Variants in VANGL2 observed in about 807,000 individuals in gnomAD.
The protein encoded by VANGL2 is vang-like protein 2.
In VANGL2, 14 loss-of-function variants were observed where a neutral mutation model predicts 50.2. The ratio of observed to expected loss-of-function variants is 0.28; its 90% confidence interval spans 0.18 to 0.44. The LOEUF (loss-of-function observed/expected upper bound fraction) is 0.44, where lower values mean the gene tolerates loss of function less well. VANGL2 is among the 20% of genes least tolerant of loss of function. VANGL2 has a pLI of 1.00. For synonymous variants in VANGL2, 295 were observed against 297.2 expected, an observed-to-expected ratio of 0.99 and a Z score of 0.08; for missense variants, 533 against 701.5, an observed-to-expected ratio of 0.76 and a Z score of 2.71.
intron 6 of VANGL2, among the ~76,000 whole-genome samples, chr1:160,422,198 A>G (rs907389622): frequency 6.6e-6 from 1 of 152,206 alleles, no homozygotes; most frequent in Non-Finnish European, 1.5e-5. Flanking sequence ...CCTGTAGTAG[A>G]ACAAAGATCA....
intron 3 of VANGL2, among the ~76,000 whole-genome samples, chr1:160,417,525 C>T (rs958573973): frequency 3.3e-5 from 5 of 152,242 alleles, no homozygotes; most frequent in African/African-American, 1.2e-4. Context: ...TTAGATGGCC[C>T]AGCAGAGGTG....
intron 1 of VANGL2, among the ~76,000 whole-genome samples, chr1:160,411,210 G>C (rs534935531): frequency 6.6e-6 from 1 of 152,074 alleles, no homozygotes; most frequent in Non-Finnish European, 1.5e-5. Context: ...AGGGGACTGA[G>C]TGTGTGTGTT....
chr1:160,414,195 A>C (rs1650979394), intron 1 of VANGL2, among the ~76,000 whole-genome samples: 1 of 152,190 alleles, frequency 6.6e-6, no homozygotes, highest in Admixed American at 6.5e-5. Context: ...TGCATAGCTA[A>C]AATCCTTCAA....
At chr1:160,415,591 T>C (rs910881320) in intron 1 of VANGL2, 57 bp from the exon 2 acceptor site, 4 of 552,854 alleles carry the variant, frequency 7.2e-6, no homozygotes, top group Middle Eastern at 4.9e-4. Flanking sequence ...GGTCTTCCTC[T>C]GCCCTGACCC....
At chr1:160,404,144 G>A (rs1393664501) in intron 1 of VANGL2, among the ~76,000 whole-genome samples, 1 of 152,118 alleles carries the variant, frequency 6.6e-6, no homozygotes, top group African/African-American at 2.4e-5. Context: ...CTAGGCTTTG[G>A]TTCTGATCTT....
Position 160,415,926 on chromosome 1 carries a change from G to T in VANGL2, c.71+18G>T. On this transcript the variant is annotated intron_variant, in intron 2 of 7. Coordinates refer to ENST00000368061, the MANE Select transcript of VANGL2 (RefSeq NM_020335.3). ...AAGCACAGGTGGGCAGGCATGCAGG[G>T]TGACATGCGTGGCGGAGGGAGGGTT... 1 of 1,614,238 alleles carries T rather than the reference G, an allele frequency of 6.2e-7. No individual in the cohort carries two copies. The highest frequency in any genetic ancestry group is 8.5e-7 in the Non-Finnish European group (1 of 1,180,038).
chr1:160,409,478 G>A (rs1650801499), intron 1 of VANGL2, among the ~76,000 whole-genome samples: 1 of 152,150 alleles, frequency 6.6e-6, no homozygotes, highest in African/African-American at 2.4e-5. Context: ...GGGAAGGGGT[G>A]TCAGGGGAAT....
chr1:160,425,733 T>G lies in VANGL2; in HGVS notation c.*355T>G, dbSNP rs1467369371. ...GCACAGGGCCCTGCTGATTGTACTTTCCCCTCCTGAGCCCCGACTCACAAA... is the reference window on the plus strand; with the variant it reads ...GCACAGGGCCCTGCTGATTGTACTTGCCCCTCCTGAGCCCCGACTCACAAA... On this transcript the variant is annotated 3_prime_UTR_variant, in exon 8 of 8. Coordinates refer to ENST00000368061, the MANE Select transcript of VANGL2 (RefSeq NM_020335.3). 4.8e-6 allele frequency: 1 copy of G among 206,228 alleles called. No homozygotes were observed. The allele number at this position is 206,228 out of a possible 1,614,324, so 12.8% of individuals were successfully genotyped here.
rs1209105906 is a variant in VANGL2 at position 160,408,324 on chromosome 1, C to T, written c.-190-7324C>T. ...ATGGGTGGGTATTTTGGTGTGTTTG[C>T]GGATTTAGAGGTCCTCGGCCTCACC... On this transcript the variant is annotated intron_variant, in intron 1 of 7. Transcript: ENST00000368061. Among the ~76,000 whole-genome samples the T allele has an allele frequency of 2.6e-5, 4 of 151,928 alleles. No homozygotes were observed. In the South Asian group the frequency reaches 6.2e-4, roughly 24 times the overall value.
At chr1:160,407,623 C>A (rs1411592064) in intron 1 of VANGL2, among the ~76,000 whole-genome samples, 1 of 152,176 alleles carries the variant, frequency 6.6e-6, no homozygotes, top group Non-Finnish European at 1.5e-5. Context: ...CTTTTGGGGC[C>A]AGGGACAGTT....
chr1:160,416,040 C>T (rs1322255370), intron 2 of VANGL2, 22 bp from the exon 3 acceptor site: 19 of 1,614,184 alleles, frequency 1.2e-5, no homozygotes, highest in Non-Finnish European at 1.5e-5. Context: ...CTTTCTGTGC[C>T]TTTTCTGGCT....
Position 160,419,205 on chromosome 1 carries a change from G to A in VANGL2, c.396G>A (p.Leu132=). The change falls in exon 4 of 8, where the codon CTG becomes CTA. Residue 132 remains leucine, a synonymous_variant. Transcript: ENST00000368061. This position sits in a 1 kb window ranked among gnomAD's most constrained non-coding sequence, Gnocchi z 5.8. ...TGGCCTTCCTGCTGCTGCCCCCACTGCTGTGGCGGGAGGAGCTGGAGCCTT... is the reference window on the plus strand; with the variant it reads ...TGGCCTTCCTGCTGCTGCCCCCACTACTGTGGCGGGAGGAGCTGGAGCCTT... ...TPLAFLLLPP[L]LWREELEPCG... The A allele has an allele frequency of 6.2e-7, 1 of 1,612,450 alleles. No homozygotes were observed.
Position 160,425,415 on chromosome 1 carries a change from G to GT in VANGL2, c.*38dup. Reference sequence around the variant, plus strand: ...CAGGGGGAGTGGGAAACTCTGGGGGGTCCTGAGGGGGTGGGAGGGGGCTTG... The same window carrying GT: ...CAGGGGGAGTGGGAAACTCTGGGGGGTTCCTGAGGGGGTGGGAGGGGGCTTG... On this transcript the variant is annotated 3_prime_UTR_variant, in exon 8 of 8. Coordinates refer to ENST00000368061, the MANE Select transcript of VANGL2 (RefSeq NM_020335.3). 1.0e-6 allele frequency: 1 copy of GT among 965,492 alleles called. No homozygotes were observed. Among genetic ancestry groups the GT allele is most frequent in the Non-Finnish European group, 1.4e-6 (1 of 713,334 alleles). 59.8% of individuals were successfully genotyped at this position (965,492 alleles called of 1,614,324 possible). A position where few individuals can be genotyped will look rare whatever the true frequency, so the allele number is the denominator to read the frequency against.
At chr1:160,404,191 G>A (rs1379016323) in intron 1 of VANGL2, among the ~76,000 whole-genome samples, 1 of 152,170 alleles carries the variant, frequency 6.6e-6, no homozygotes, top group Admixed American at 6.5e-5. Flanking sequence ...TCTCCTATCT[G>A]CCAGGCACAG....
rs1177800793 is a variant in VANGL2, at chr1:160,419,999, C to G, written c.800+390C>G. ...GCACTCAGAGTGGCCTGTGAAGTGACCTGGCCAGAGGAGGGATCCCCAGAG... is the reference window on the plus strand; with the variant it reads ...GCACTCAGAGTGGCCTGTGAAGTGAGCTGGCCAGAGGAGGGATCCCCAGAG... On this transcript the variant is annotated intron_variant, in intron 4 of 7. Coordinates refer to ENST00000368061, the MANE Select transcript of VANGL2 (RefSeq NM_020335.3). This position sits in a 1 kb window ranked among gnomAD's most constrained non-coding sequence, Gnocchi z 5.8. Among the ~76,000 whole-genome samples the G allele has an allele frequency of 6.6e-6, 1 of 151,948 alleles. No individual in the cohort carries two copies. The highest frequency in any genetic ancestry group is 1.5e-5 in the Non-Finnish European group (1 of 67,978).
At chr1:160,412,130 A>G (rs1650901936) in intron 1 of VANGL2, among the ~76,000 whole-genome samples, 1 of 152,224 alleles carries the variant, frequency 6.6e-6, no homozygotes, top group African/African-American at 2.4e-5. Flanking sequence ...TTACCAGGCT[A>G]CAAGCACAGA....
At chr1:160,420,663 C>T in intron 5 of VANGL2, 116 bp downstream of exon 5, 2 of 1,496,188 alleles carry the variant, frequency 1.3e-6, no homozygotes, top group Non-Finnish European at 1.8e-6. Flanking sequence ...CATGTTCTAG[C>T]CGCTTCTATT....
Position 160,415,924 on chromosome 1 carries a change from G to A in VANGL2, c.71+16G>A. The A allele has an allele frequency of 1.2e-6, 2 of 1,614,202 alleles. 1 individual carries two copies. Among genetic ancestry groups the A allele is most frequent in the Non-Finnish European group, 1.7e-6 (2 of 1,180,030 alleles). ...GCAAGCACAGGTGGGCAGGCATGCA[G>A]GGTGACATGCGTGGCGGAGGGAGGG... On this transcript the variant is annotated intron_variant, in intron 2 of 7. Coordinates refer to ENST00000368061, the MANE Select transcript of VANGL2 (RefSeq NM_020335.3).
At position 160,419,416 on chromosome 1, in the gene VANGL2, C is replaced by T. The variant is rs370430404; in HGVS notation, c.607C>T (p.Arg203Cys). 1.2e-6 allele frequency: 2 copies of T among 1,612,064 alleles called. No individual in the cohort carries two copies. Among genetic ancestry groups the T allele is most frequent in the Non-Finnish European group, 1.7e-6 (2 of 1,180,010 alleles). The change falls in exon 4 of 8, where the codon CGC (arginine) becomes TGC (cysteine). Residue 203 changes from arginine to cysteine, a missense_variant. By Grantham distance (180) the Arg-to-Cys change is radical. Transcript: ENST00000368061. This position sits in a 1 kb window ranked among gnomAD's most constrained non-coding sequence, Gnocchi z 5.8. ...CTCCTACTGGCTCTTCTATGGTGTG[C>T]GCATCCTGGATGCTCGGGAGCGCAG... ...VVSYWLFYGVRILDARERSYQ... is the reference protein window; with the variant it reads ...VVSYWLFYGVCILDARERSYQ...
Sources: allele counts gnomAD v4.1 joint callset (sites outside exome capture counted in the v4.1 genomes callset), GRCh38; gene constraint gnomAD v4.1.1; non-coding constraint Gnocchi (gnomAD v3.1); transcripts MANE v1.5; gene names NCBI Gene and HGNC (gene_info 2026-07-23, HGNC 2026-07-21).